The following CFAP251 variants were observed in gnomAD, a reference collection of about 807,000 sequenced individuals.
CFAP251 encodes cilia and flagella associated protein 251, also known as cilia- and flagella-associated protein 251.
CFAP251 carries 93 observed loss-of-function variants against 126.7 expected under a neutral mutation model. The ratio of observed to expected loss-of-function variants is 0.73; its 90% CI spans 0.62 to 0.87. The LOEUF (loss-of-function observed/expected upper bound fraction) is 0.87. CFAP251 is among the 40% of genes least tolerant of loss of function. CFAP251 has a pLI of 0.00. For synonymous variants in CFAP251, 503 were observed against 506.9 expected (o/e 0.99, Z 0.10); for missense variants, 1,287 against 1,389.2 (o/e 0.93, Z 1.17).
intron 19 of CFAP251, among the ~76,000 whole-genome samples, chr12:121,978,220 G>A (rs1363326289): frequency 4.0e-5 from 6 of 149,786 alleles, no homozygotes; most frequent in Non-Finnish European, 5.9e-5. Context: ...GTGAAACCCC[G>A]TCTCTACTAA....
chr12:121,966,706 C>T (rs574085699), intron 15 of CFAP251, among the ~76,000 whole-genome samples: 22 of 151,740 alleles, frequency 1.4e-4, no homozygotes, highest in Non-Finnish European at 2.9e-4. Context: ...CTGCCTCAGC[C>T]TCCTGAGTAG....
At chr12:121,938,068 G>T (rs1880959315) in intron 5 of CFAP251, among the ~76,000 whole-genome samples, 1 of 151,780 alleles carries the variant, frequency 6.6e-6, no homozygotes, top group Non-Finnish European at 1.5e-5. Context: ...GCAGTGGTGT[G>T]ATCATGGCTC....
At chr12:121,987,584 G>A (rs923241794) in intron 19 of CFAP251, among the ~76,000 whole-genome samples, 19 of 151,800 alleles carry the variant, frequency 1.3e-4, no homozygotes, top group Admixed American at 5.3e-4. Flanking sequence ...GCATGGTGGC[G>A]CACACCTGTA....
At position 121,999,728 on chromosome 12, in the gene CFAP251, T is replaced by G. The variant is rs147817193; in HGVS notation, c.3019T>G (p.Phe1007Val). 275 of 1,608,070 alleles carry G rather than the reference T, an allele frequency of 1.7e-4. No individual in the cohort carries two copies. The highest frequency in any genetic ancestry group is 4.7e-4 in the South Asian group (43 of 90,908). ...YPSEEKIDDI[F>V]NEIKFGEYVD... ...ATCTTTCCCCTAGATTGATGATATATTTAACGAAATCAAATTTGGTGAATA... is the reference window on the plus strand; with the variant it reads ...ATCTTTCCCCTAGATTGATGATATAGTTAACGAAATCAAATTTGGTGAATA... The change falls in exon 20 of 22, where the codon TTT (phenylalanine) becomes GTT (valine). Residue 1007 changes from phenylalanine to valine, a missense_variant. Phe to Val is a conservative substitution (Grantham distance 50, BLOSUM62 -1). Transcript: ENST00000288912.
intron 19 of CFAP251, chr12:121,997,748 ATAGT>A (rs980482300): frequency 1.1e-4 from 17 of 150,954 alleles, no homozygotes; most frequent in African/African-American, 4.2e-4. Context: ...AAGAAATACA[ATAGT>A]TTGTTTTTTT....
At chr12:121,991,766 G>A in intron 19 of CFAP251, among the ~76,000 whole-genome samples, 1 of 152,178 alleles carries the variant, frequency 6.6e-6, no homozygotes, top group East Asian at 1.9e-4. Context: ...GGCCGAGGCA[G>A]GCAGATCACT....
chr12:121,984,211 GC>G (rs1231450870), intron 19 of CFAP251, among the ~76,000 whole-genome samples: 1 of 152,182 alleles, frequency 6.6e-6, no homozygotes, highest in African/African-American at 2.4e-5. Context: ...AGAATTCCTA[GC>G]CATTCCCTTC....
intron 4 of CFAP251, 39 bp downstream of exon 4, chr12:121,931,925 C>G (rs2135753347): frequency 6.9e-7 from 1 of 1,455,156 alleles, no homozygotes; most frequent in East Asian, 2.6e-5. Context: ...GGGGAGTTGT[C>G]TTTAACGTGC....
chr12:121,948,189 G>A (rs1346538189), intron 7 of CFAP251: 1 of 152,116 alleles, frequency 6.6e-6, no homozygotes, highest in African/African-American at 2.4e-5. Flanking sequence ...TTGGTTTTTG[G>A]GAAGGGAGCC....
At chr12:121,926,021 A>ATTT (rs35760212) in intron 3 of CFAP251, among the ~76,000 whole-genome samples, 2 of 97,506 alleles carry the variant, frequency 2.1e-5, no homozygotes, top group African/African-American at 8.3e-5. Flanking sequence ...ATTTTTTGTA[A>ATTT]TTTTTTTTTT....
chr12:121,983,291 G>T lies in CFAP251; in HGVS notation c.3006+7606G>T, dbSNP rs9668965. Reference sequence around the variant, plus strand: ...CAACCGGAGTCCCAGCTACCCTGGAGGCTGAGGCAGGAGGATTGCTTGATC... The same window carrying T: ...CAACCGGAGTCCCAGCTACCCTGGATGCTGAGGCAGGAGGATTGCTTGATC... On this transcript the variant is annotated intron_variant, in intron 19 of 21. Transcript: ENST00000288912. 7.9e-3 allele frequency among the ~76,000 whole-genome samples: 1,196 copies of T among 152,022 alleles called. 16 individuals carry two copies. Among genetic ancestry groups the T allele is most frequent in the African/African-American group, 0.027 (1,140 of 41,458 alleles).
Position 121,954,297 on chromosome 12 carries a change from C to A in CFAP251, c.1498C>A (p.Gln500Lys), listed in dbSNP as rs761077913. Reference protein sequence around the residue: ...YIKPCKLVHLQKEGITVLTTI... With the variant: ...YIKPCKLVHLKKEGITVLTTI... The stretch of plus-strand genomic sequence containing the variant: ...CAAGCCTTGTAAATTGGTTCATTTG[C>A]AGAAAGAGGGTATCACGGTACTTAC... The change falls in exon 10 of 22, where the codon CAG becomes AAG. Residue 500 changes from glutamine (Q) to lysine (K), a missense_variant. Transcript: ENST00000288912. The A allele has an allele frequency of 6.2e-7, 1 of 1,614,032 alleles. No individual in the cohort carries two copies. The highest frequency in any genetic ancestry group is 2.2e-5 in the East Asian group (1 of 44,882).
rs768270927 is a variant in CFAP251 at position 121,949,033 on chromosome 12, G to A, written c.1241G>A (p.Ser414Asn). 1 of 1,589,572 alleles carries A rather than the reference G, an allele frequency of 6.3e-7. No homozygotes were observed. ...PTNNKELVSN[S>N]KTRAIYYAWY... ...AATAATAAAGAATTGGTGAGCAATA[G>A]TAAAACACGGGCAATATATTATGCA... The change falls in exon 8 of 22, where the codon AGT becomes AAT. Residue 414 changes from serine (S) to asparagine (N), a missense_variant. Transcript: ENST00000288912.
Position 121,968,108 on chromosome 12 carries a change from T to A in CFAP251, c.2710T>A (p.Cys904Ser), listed in dbSNP as rs1363233384. ...CGGCATGGCCGTTTCCTATGATGGC[T>A]GCTACGCCTTCACTGCGGGAGGGCA... The part of the protein sequence containing the change: ...VAGMAVSYDG[C>S]YAFTAGGHDR... The change falls in exon 17 of 22, where the codon TGC becomes AGC. Residue 904 changes from cysteine (C) to serine (S), a missense_variant. Physicochemically the swap from Cys to Ser is moderately radical, Grantham distance 112. Coordinates refer to ENST00000288912, the MANE Select transcript of CFAP251 (RefSeq NM_144668.6). 3.7e-6 allele frequency: 6 copies of A among 1,613,528 alleles called. No homozygotes were observed. The highest frequency in any genetic ancestry group is 4.2e-6 in the Non-Finnish European group (5 of 1,179,620).
intron 19 of CFAP251, among the ~76,000 whole-genome samples, chr12:121,990,422 C>A (rs1882850424): frequency 6.6e-6 from 1 of 152,196 alleles, no homozygotes; most frequent in African/African-American, 2.4e-5. Flanking sequence ...GGGAGAGAAG[C>A]CTCGGGTTCA....
intron 19 of CFAP251, among the ~76,000 whole-genome samples, chr12:121,977,624 C>T (rs1243726403): frequency 2.6e-5 from 4 of 151,828 alleles, no homozygotes. Context: ...CACACCACAG[C>T]ACTCCAGCCT....
intron 14 of CFAP251, 141 bp downstream of exon 14, chr12:121,960,899 T>C: frequency 9.6e-7 from 1 of 1,043,778 alleles, no homozygotes; most frequent in East Asian, 2.6e-5. Flanking sequence ...ATCACAAACC[T>C]CTCCAGGTTG....
In CFAP251 at chr12:122,001,537, T is replaced by C. The variant is rs748311980; in HGVS notation, c.3276T>C (p.Ala1092=). Reference sequence around the variant, plus strand: ...AGGAGGAGATGTTGGATTGCTTTGCTTCACTGTTTGGCCTGAATCCCGAGG... The same window carrying C: ...AGGAGGAGATGTTGGATTGCTTTGCCTCACTGTTTGGCCTGAATCCCGAGG... The part of the protein sequence containing the change: ...MTEEEMLDCF[A]SLFGLNPEGW... Residue 1092 remains alanine (A), a synonymous_variant, in exon 21 of 22, where the codon GCT becomes GCC. Coordinates refer to ENST00000288912, the MANE Select transcript of CFAP251 (RefSeq NM_144668.6). 2.5e-6 allele frequency: 4 copies of C among 1,614,166 alleles called. No homozygotes were observed. The East Asian group carries it at 6.7e-5, about 27-fold the overall frequency.
intron 5 of CFAP251, among the ~76,000 whole-genome samples, chr12:121,942,260 T>G (rs1227123960): frequency 2.6e-5 from 4 of 152,194 alleles, no homozygotes; most frequent in Non-Finnish European, 5.9e-5. Flanking sequence ...TCTGTGGGTT[T>G]GCCTATTCCG....
Sources: allele counts gnomAD v4.1 joint callset (sites outside exome capture counted in the v4.1 genomes callset), GRCh38; gene constraint gnomAD v4.1.1; transcripts MANE v1.5; gene names NCBI Gene and HGNC (gene_info 2026-07-23, HGNC 2026-07-21).